MIAT: variants seen among roughly 807,000 people sequenced by gnomAD.
MIAT encodes the protein myocardial infarction associated transcript, also known as MI related novel mRNA.
At chr22:26,648,623 A>G (rs1430487486) in intron 2 of MIAT, among the ~76,000 whole-genome samples, 2 of 151,164 alleles carry the variant, frequency 1.3e-5, no homozygotes, top group Non-Finnish European at 2.9e-5. Flanking sequence ...ATACATTTTC[A>G]GGTCCTGCCA....
downstream of MIAT, chr22:26,672,822 T>G: frequency 2.5e-6 from 1 of 398,574 alleles, no homozygotes; most frequent in East Asian, 3.6e-5. Context: ...GAGTGGAGTA[T>G]TTAGTACACA....
chr22:26,659,701 A>G (rs1472444903), intron 2 of MIAT, among the ~76,000 whole-genome samples: 1 of 151,488 alleles, frequency 6.6e-6, no homozygotes, highest in Admixed American at 6.6e-5. Flanking sequence ...ATAAATGAGA[A>G]TTTTTATAAT....
chr22:26,658,747 C>T (rs1256808673), intron 2 of MIAT, among the ~76,000 whole-genome samples: 2 of 152,324 alleles, frequency 1.3e-5, no homozygotes, highest in Middle Eastern at 3.4e-3. Flanking sequence ...TGCAGTGCCG[C>T]CGCGGGGAAA....
downstream of MIAT, chr22:26,674,484 C>T (rs1931185026): frequency 7.5e-6 from 3 of 398,752 alleles, no homozygotes; most frequent in South Asian, 2.5e-4. Flanking sequence ...CAAAGGCTGG[C>T]TTACAGACCT....
exon 4 of MIAT, chr22:26,666,688 A>G: frequency 2.5e-6 from 1 of 398,556 alleles, no homozygotes; most frequent in Admixed American, 4.4e-5. Context: ...CTCACCTTTT[A>G]AGGATGTTCT....
At chr22:26,647,200 G>A (rs1357281420) in exon 2 of MIAT, 4 of 398,404 alleles carry the variant, frequency 1.0e-5, no homozygotes, top group Admixed American at 4.4e-5. Context: ...CTCCAGAACC[G>A]CAGCATTGGA....
At chr22:26,663,198 A>G (rs867406946) in intron 2 of MIAT, 13 of 396,144 alleles carry the variant, frequency 3.3e-5, no homozygotes, top group Non-Finnish European at 5.3e-5. Context: ...TCTGCATCCA[A>G]GGAGATCAGT....
intron 2 of MIAT, among the ~76,000 whole-genome samples, chr22:26,653,515 G>T (rs572123547): frequency 6.6e-6 from 1 of 152,204 alleles, no homozygotes; most frequent in East Asian, 1.9e-4. Context: ...TCCCATTCCT[G>T]TACGTAGGCT....
At chr22:26,647,378 A>G (rs1469588464) in intron 2 of MIAT, 1 of 3,194 alleles carries the variant, frequency 3.1e-4, no homozygotes, top group Non-Finnish European at 1.4e-3. Context: ...GGGGGTGGAG[A>G]GAGAGAGAGA....
intron 2 of MIAT, among the ~76,000 whole-genome samples, chr22:26,661,927 T>TTGATCTATATAGATCC (rs1201529612): frequency 4.6e-5 from 1 of 21,640 alleles, no homozygotes; most frequent in Non-Finnish European, 7.3e-5. Context: ...CATATATATA[T>TTGATCTATATAGATCC]ATATATATAT....
chr22:26,663,903 C>T (rs1055918332), intron 3 of MIAT, among the ~76,000 whole-genome samples: 15 of 151,756 alleles, frequency 9.9e-5, no homozygotes, highest in African/African-American at 3.6e-4. Context: ...CAGCCCCAGT[C>T]CCAGCCCCAG....
chr22:26,647,700 G>A lies in MIAT; in HGVS notation n.646+389G>A, dbSNP rs559022696. 2.1e-3 allele frequency among the ~76,000 whole-genome samples: 320 copies of A among 152,262 alleles called. 1 individual carries two copies. The highest frequency in any genetic ancestry group is 7.2e-3 in the African/African-American group (299 of 41,542). On this transcript the variant is annotated intron_variant and non_coding_transcript_variant, in intron 2 of 5. Transcript: ENST00000643270. ...TGAGACCAGAGGGGCTGCGAGCAGGGGAGTGATGAGGTCAGCTTTGCATTT... is the reference window on the plus strand; with the variant it reads ...TGAGACCAGAGGGGCTGCGAGCAGGAGAGTGATGAGGTCAGCTTTGCATTT...
intron 2 of MIAT, among the ~76,000 whole-genome samples, chr22:26,648,931 CAG>C (rs60141294): frequency 0.065 from 9,635 of 148,376 alleles, 513 homozygotes; most frequent in African/African-American, 0.15. Context: ...GAGAGCGAGA[CAG>C]AGAGAGAGAG....
At chr22:26,652,037 A>G (rs556005199) in intron 2 of MIAT, among the ~76,000 whole-genome samples, 2 of 152,298 alleles carry the variant, frequency 1.3e-5, no homozygotes, top group South Asian at 4.1e-4. Flanking sequence ...TCTGTTGCCC[A>G]TGCTGGAGTG....
chr22:26,652,404 T>G (rs1019097544), intron 2 of MIAT, among the ~76,000 whole-genome samples: 2 of 152,154 alleles, frequency 1.3e-5, no homozygotes, highest in Non-Finnish European at 2.9e-5. Flanking sequence ...TCACCCAGGC[T>G]GGAGTGCAGT....
intron 2 of MIAT, among the ~76,000 whole-genome samples, chr22:26,661,300 G>A (rs1383158549): frequency 6.6e-6 from 1 of 152,182 alleles, no homozygotes; most frequent in Non-Finnish European, 1.5e-5. Flanking sequence ...AAGAGCAGAG[G>A]TGAAGTCTGG....
downstream of MIAT, chr22:26,673,736 GTGGTGGC>G: frequency 2.5e-6 from 1 of 398,766 alleles, no homozygotes; most frequent in Non-Finnish European, 4.4e-6. Context: ...AATTTTGGGC[GTGGTGGC>G]TGCTCTGAGT....
intron 2 of MIAT, among the ~76,000 whole-genome samples, chr22:26,651,265 A>G (rs1715212427): frequency 6.6e-6 from 1 of 152,230 alleles, no homozygotes; most frequent in African/African-American, 2.4e-5. Flanking sequence ...CTATCTGGGT[A>G]AAACCAGGAG....
At chr22:26,673,303 G>T, downstream of MIAT, 1 of 398,750 alleles carries the variant, frequency 2.5e-6, no homozygotes, top group Non-Finnish European at 4.4e-6. Context: ...GTGATTTCAT[G>T]CCTCACCTCC....
Sources: gnomAD v4.1 joint callset for allele counts (sites outside exome capture counted in the v4.1 genomes callset) on GRCh38, gnomAD v4.1.1 for gene constraint, MANE v1.5 for transcripts, NCBI Gene and HGNC (gene_info 2026-07-23, HGNC 2026-07-21) for gene names.